The following DOK5 variants were observed in gnomAD, a reference collection of about 807,000 sequenced individuals.
DOK5 encodes docking protein 5, also known as downstream of tyrosine kinase 5.
DOK5 carries 27 observed loss-of-function variants against 43.3 expected under a neutral mutation model. The ratio of observed to expected loss-of-function variants is 0.62; its 90% CI spans 0.46 to 0.86. The LOEUF is 0.86. DOK5 is among the 40% of genes least tolerant of loss of function. The pLI is 0.00. For missense variants in DOK5, 373 were observed against 392.9 expected (o/e 0.95, Z 0.43); for synonymous variants, 146 against 140.1 (o/e 1.04, Z -0.30).
chr20:54,541,438 A>G (rs1451643372), intron 1 of DOK5, among the ~76,000 whole-genome samples: 2 of 151,908 alleles, frequency 1.3e-5, no homozygotes, highest in Admixed American at 6.6e-5. Context: ...ATTTATTTTT[A>G]TTTTTTACTT....
intron 7 of DOK5, 37 bp downstream of exon 7, chr20:54,643,615 A>G (rs376198770): frequency 1.3e-6 from 2 of 1,594,378 alleles, no homozygotes; most frequent in Non-Finnish European, 1.7e-6. Context: ...GGTGTGGGCC[A>G]GGCCTGGGAG....
chr20:54,586,686 G>A (rs572347163), intron 2 of DOK5, among the ~76,000 whole-genome samples: 44 of 152,298 alleles, frequency 2.9e-4, no homozygotes, highest in African/African-American at 1.0e-3. Context: ...CTAGGTGTTA[G>A]GATGGGAGGT....
At chr20:54,650,275 A>G (rs1979637470) in intron 7 of DOK5, 140 bp from the exon 8 acceptor site, 2 of 684,326 alleles carry the variant, frequency 2.9e-6, no homozygotes, top group Non-Finnish European at 5.0e-6. Context: ...TCATTTACAT[A>G]TCATCCTGAG....
intron 5 of DOK5, among the ~76,000 whole-genome samples, chr20:54,608,154 C>G (rs1400391456): frequency 1.3e-5 from 2 of 152,202 alleles, no homozygotes; most frequent in East Asian, 3.9e-4. Flanking sequence ...ATTGTCCAAG[C>G]TTGAGAAACA....
chr20:54,536,073 G>A (rs559064036), intron 1 of DOK5, among the ~76,000 whole-genome samples: 8 of 152,208 alleles, frequency 5.3e-5, no homozygotes, highest in African/African-American at 1.9e-4. Context: ...CAGGCCTTGA[G>A]GATTCAAAGT....
At chr20:54,619,229 G>C (rs1568814593) in intron 6 of DOK5, among the ~76,000 whole-genome samples, 2 of 150,190 alleles carry the variant, frequency 1.3e-5, no homozygotes, top group Admixed American at 1.3e-4. Flanking sequence ...AGAAGTGGGG[G>C]TGGGCCTGGA....
chr20:54,571,923 G>T (rs749139841), intron 2 of DOK5, among the ~76,000 whole-genome samples: 1 of 152,068 alleles, frequency 6.6e-6, no homozygotes, highest in Non-Finnish European at 1.5e-5. Flanking sequence ...GATTGCACAC[G>T]TGTAGTTTCT....
At chr20:54,505,650 AAGAG>A (rs958739934) in intron 1 of DOK5, among the ~76,000 whole-genome samples, 6 of 151,136 alleles carry the variant, frequency 4.0e-5, no homozygotes, top group African/African-American at 1.2e-4. Context: ...AATAAAGAGA[AAGAG>A]AGAGAAAGAG....
intron 1 of DOK5, among the ~76,000 whole-genome samples, chr20:54,513,759 G>C (rs1226017106): frequency 6.6e-6 from 1 of 152,136 alleles, no homozygotes; most frequent in Non-Finnish European, 1.5e-5. Flanking sequence ...CTGCAGAATA[G>C]GGTAAAAAAG....
At chr20:54,486,377 T>A (rs1370092389) in intron 1 of DOK5, among the ~76,000 whole-genome samples, 1 of 151,480 alleles carries the variant, frequency 6.6e-6, no homozygotes, top group Non-Finnish European at 1.5e-5. Flanking sequence ...TAGACATATA[T>A]GTCTATATAT....
intron 1 of DOK5, among the ~76,000 whole-genome samples, chr20:54,507,872 G>A (rs1600669288): frequency 6.6e-6 from 1 of 152,234 alleles, no homozygotes; most frequent in Admixed American, 6.5e-5. Flanking sequence ...TCTGGTAGGA[G>A]TTTAAAGAGT....
At chr20:54,496,020 A>G (rs2146673353) in intron 1 of DOK5, among the ~76,000 whole-genome samples, 1 of 152,342 alleles carries the variant, frequency 6.6e-6, no homozygotes, top group South Asian at 2.1e-4. Flanking sequence ...TTCATTTTAG[A>G]GAGACAGGCA....
intron 2 of DOK5, among the ~76,000 whole-genome samples, chr20:54,581,234 A>G (rs76841894): frequency 6.6e-5 from 10 of 151,936 alleles, no homozygotes; most frequent in African/African-American, 2.4e-4. Context: ...ATGTGTCTGT[A>G]TGTTTGCCTA....
intron 5 of DOK5, among the ~76,000 whole-genome samples, chr20:54,594,535 T>TTATAA (rs3044086): frequency 0.37 from 56,406 of 151,918 alleles, 17,162 homozygotes; most frequent in African/African-American, 0.84. Flanking sequence ...TGAAAATGTT[T>TTATAA]TATAAATAGA....
At chr20:54,644,562 C>T (rs936456680) in intron 7 of DOK5, among the ~76,000 whole-genome samples, 7 of 151,938 alleles carry the variant, frequency 4.6e-5, no homozygotes, top group Admixed American at 3.9e-4. Context: ...AAAAATTAGC[C>T]GGGCGTGGTG....
At chr20:54,504,563 T>C (rs6023314) in intron 1 of DOK5, among the ~76,000 whole-genome samples, 8 of 152,332 alleles carry the variant, frequency 5.3e-5, no homozygotes, top group African/African-American at 1.9e-4. Context: ...GTGCCATTTG[T>C]TGCCTCTCCC....
At chr20:54,499,560 A>G (rs1247264490) in intron 1 of DOK5, among the ~76,000 whole-genome samples, 1 of 152,142 alleles carries the variant, frequency 6.6e-6, no homozygotes, top group African/African-American at 2.4e-5. Context: ...TTGTACTGCT[A>G]TGCAGCCAAT....
chr20:54,579,263 TGAATA>T (rs1985554862), intron 2 of DOK5, among the ~76,000 whole-genome samples: 1 of 152,144 alleles, frequency 6.6e-6, no homozygotes, highest in Non-Finnish European at 1.5e-5. Flanking sequence ...TCACTTGCCA[TGAATA>T]GAAATTAACT....
intron 1 of DOK5, among the ~76,000 whole-genome samples, chr20:54,504,744 A>G (rs1982743131): frequency 6.6e-6 from 1 of 152,202 alleles, no homozygotes; most frequent in African/African-American, 2.4e-5. Flanking sequence ...TTATCTGTAG[A>G]CAGAGCTCTT....
Sources: gnomAD v4.1 joint callset for allele counts (sites outside exome capture counted in the v4.1 genomes callset) on GRCh38, gnomAD v4.1.1 for gene constraint, MANE v1.5 for transcripts, NCBI Gene and HGNC (gene_info 2026-07-23, HGNC 2026-07-21) for gene names.